GRM5: variants seen among roughly 807,000 people sequenced by gnomAD.
GRM5 encodes glutamate metabotropic receptor 5.
Under a neutral mutation model 83.1 loss-of-function variants are expected in GRM5, and 19 were observed. The ratio of observed to expected loss-of-function variants is 0.23; its 90% CI spans 0.16 to 0.34. The LOEUF is 0.34. Ranked by LOEUF, GRM5 falls within the 10% of genes least tolerant of loss-of-function variation. The pLI, the probability that GRM5 is intolerant of heterozygous loss-of-function variation, is 1.00. For missense variants in GRM5, 1,160 were observed against 1,588.3 expected, an observed-to-expected ratio of 0.73 and a Z score of 4.58; for synonymous variants, 675 against 633.6, an observed-to-expected ratio of 1.07 and a Z score of -0.98.
At chr11:88,913,599 T>C (rs1945539759) in intron 2 of GRM5, among the ~76,000 whole-genome samples, 1 of 150,032 alleles carries the variant, frequency 6.7e-6, no homozygotes, top group East Asian at 2.0e-4. Context: ...TTTTTTTTTT[T>C]TTTTTTAGGT....
At chr11:88,752,678 A>C (rs1942304326) in intron 3 of GRM5, among the ~76,000 whole-genome samples, 1 of 152,234 alleles carries the variant, frequency 6.6e-6, no homozygotes. Flanking sequence ...AGCTGAAGGC[A>C]TCATGCTACC....
intron 4 of GRM5, among the ~76,000 whole-genome samples, chr11:88,633,126 T>A (rs920561393): frequency 1.3e-5 from 2 of 152,186 alleles, no homozygotes; most frequent in African/African-American, 4.8e-5. Flanking sequence ...TATACCACAA[T>A]AAGATACCAC....
chr11:88,751,090 A>AAAAAAAAAAAAAAT (rs1942264086), intron 3 of GRM5, among the ~76,000 whole-genome samples: 1 of 140,356 alleles, frequency 7.1e-6, no homozygotes, highest in Non-Finnish European at 1.6e-5. Flanking sequence ...AAAAAAAAAA[A>AAAAAAAAAAAAAAT]AAAAACAAAG....
chr11:88,644,210 T>C (rs1332975772), intron 4 of GRM5, among the ~76,000 whole-genome samples: 1 of 152,180 alleles, frequency 6.6e-6, no homozygotes, highest in Non-Finnish European at 1.5e-5. Flanking sequence ...CACACTTCAG[T>C]CCATGAACAA....
At chr11:88,512,804 A>G (rs1009288508) in intron 9 of GRM5, among the ~76,000 whole-genome samples, 1 of 152,236 alleles carries the variant, frequency 6.6e-6, no homozygotes, top group African/African-American at 2.4e-5. Context: ...TTTATATTTT[A>G]TGTGAATACA....
chr11:88,801,894 T>A (rs1943402995), intron 3 of GRM5, among the ~76,000 whole-genome samples: 1 of 152,040 alleles, frequency 6.6e-6, no homozygotes, highest in South Asian at 2.1e-4. Context: ...GCCAGAGAAT[T>A]TAGTATGCTG....
chr11:88,860,070 C>T (rs1321358082), intron 2 of GRM5, among the ~76,000 whole-genome samples: 2 of 152,056 alleles, frequency 1.3e-5, no homozygotes, highest in Admixed American at 6.6e-5. Context: ...TCAGAGAGAC[C>T]ATAGAAAATG....
At chr11:88,947,104 A>C (rs1374975770) in intron 2 of GRM5, among the ~76,000 whole-genome samples, 7 of 152,246 alleles carry the variant, frequency 4.6e-5, no homozygotes, top group Admixed American at 3.9e-4. Context: ...TTAGAGACCA[A>C]ATTTTTAATA....
intron 8 of GRM5, among the ~76,000 whole-genome samples, chr11:88,526,816 C>A (rs1463503799): frequency 6.6e-6 from 1 of 151,786 alleles, no homozygotes; most frequent in Admixed American, 6.6e-5. Context: ...TAATGGATTA[C>A]CTATTTAACG....
At chr11:88,576,548 C>G (rs932790849) in intron 7 of GRM5, among the ~76,000 whole-genome samples, 2 of 152,072 alleles carry the variant, frequency 1.3e-5, no homozygotes, top group African/African-American at 4.8e-5. Flanking sequence ...AGCTTGCACA[C>G]AAATATTTCC....
intron 3 of GRM5, among the ~76,000 whole-genome samples, chr11:88,721,661 A>C (rs1056880804): frequency 5.3e-5 from 8 of 152,136 alleles, no homozygotes; most frequent in Admixed American, 5.3e-4. Context: ...CCATTTGGGT[A>C]AGTCTCCATC....
chr11:88,798,534 A>G (rs1466244255), intron 3 of GRM5, among the ~76,000 whole-genome samples: 1 of 152,164 alleles, frequency 6.6e-6, no homozygotes, highest in African/African-American at 2.4e-5. Context: ...GGCAGCGATC[A>G]AGGCAGGACA....
intron 3 of GRM5, among the ~76,000 whole-genome samples, chr11:88,799,015 T>C (rs1432101605): frequency 2.0e-5 from 3 of 151,856 alleles, no homozygotes; most frequent in Non-Finnish European, 4.4e-5. Context: ...CTCTGTTTAG[T>C]ATCCAAAGTT....
At chr11:88,651,146 CG>C (rs889666271) in intron 4 of GRM5, among the ~76,000 whole-genome samples, 1 of 151,858 alleles carries the variant, frequency 6.6e-6, no homozygotes, top group Non-Finnish European at 1.5e-5. Context: ...TTTTACAGAA[CG>C]GTTTCCATAG....
rs569592291 is a variant in GRM5, at chr11:89,044,669, T to C, written c.661+2543A>G. ...TCCATACTCTTCAAGAAAGAGAATATTGATGGAACAAAGGAGAATAATTAT... is the reference window on the plus strand; with the variant it reads ...TCCATACTCTTCAAGAAAGAGAATACTGATGGAACAAAGGAGAATAATTAT... On this transcript the variant is annotated intron_variant, in intron 2 of 9. Transcript: ENST00000305447. Among the ~76,000 whole-genome samples, 154 of 152,204 alleles carry C rather than the reference T, an allele frequency of 1.0e-3. 1 individual carries two copies. Among genetic ancestry groups the C allele is most frequent in the African/African-American group, 3.5e-3 (146 of 41,538 alleles).
chr11:88,966,779 T>C (rs1291014606), intron 2 of GRM5, among the ~76,000 whole-genome samples: 9 of 152,222 alleles, frequency 5.9e-5, no homozygotes, highest in Admixed American at 5.9e-4. Context: ...ATGAATACGT[T>C]CTCTATGTGG....
chr11:88,902,104 C>G, intron 2 of GRM5, among the ~76,000 whole-genome samples: 1 of 150,842 alleles, frequency 6.6e-6, no homozygotes, highest in Non-Finnish European at 1.5e-5. Context: ...TGCTGCTTTT[C>G]TCTTTCTGGC....
intron 2 of GRM5, among the ~76,000 whole-genome samples, chr11:89,034,105 A>G (rs1322617360): frequency 6.6e-6 from 1 of 151,694 alleles, no homozygotes; most frequent in African/African-American, 2.4e-5. Flanking sequence ...AAGCCAGAGA[A>G]TATCTTAATT....
chr11:88,884,691 A>G (rs1199018247), intron 2 of GRM5, among the ~76,000 whole-genome samples: 1 of 152,186 alleles, frequency 6.6e-6, no homozygotes, highest in Non-Finnish European at 1.5e-5. Flanking sequence ...AGGTAACTGA[A>G]TGATGAGGGT....
Sources: allele counts gnomAD v4.1 joint callset (sites outside exome capture counted in the v4.1 genomes callset), GRCh38; gene constraint gnomAD v4.1.1; transcripts MANE v1.5; gene names NCBI Gene and HGNC (gene_info 2026-07-23, HGNC 2026-07-21).